The following DNAI7 variants were observed in gnomAD, a reference collection of about 807,000 sequenced individuals.
DNAI7 encodes dynein axonemal intermediate chain 7.
A neutral mutation model predicts 86.6 loss-of-function variants in DNAI7; 78 were observed. The ratio of observed to expected loss-of-function variants is 0.90; its 90% CI spans 0.75 to 1.09. The LOEUF is 1.09. Among genes scored for constraint, DNAI7 ranks in the 50% least tolerant of loss-of-function variants. DNAI7 has a pLI of 0.00. For synonymous variants in DNAI7, 274 were observed against 273.0 expected, an observed-to-expected ratio of 1.00 and a Z score of -0.04; for missense variants, 753 against 810.2, an observed-to-expected ratio of 0.93 and a Z score of 0.86.
chr12:25,139,024 T>C (rs1943888946), intron 9 of DNAI7, among the ~76,000 whole-genome samples: 1 of 151,932 alleles, frequency 6.6e-6, no homozygotes, highest in Non-Finnish European at 1.5e-5. Context: ...AAATGAGAGA[T>C]ACTACAACTG....
chr12:25,143,941 A>G (rs1223240956), intron 9 of DNAI7, among the ~76,000 whole-genome samples: 1 of 152,220 alleles, frequency 6.6e-6, no homozygotes, highest in Admixed American at 6.5e-5. Context: ...AGAGTGTAAT[A>G]TTTTAAGAAA....
In DNAI7 at chr12:25,165,520, C is replaced by G. The variant is rs559285289; in HGVS notation, c.22-4323G>C. On this transcript the variant is annotated intron_variant, in intron 2 of 15. Transcript: ENST00000395987. ...GTGCAGGACCCCACTGAAAATTGGACTGTTCAACTGACCTGGCAGCCACTT... is the reference window on the plus strand; with the variant it reads ...GTGCAGGACCCCACTGAAAATTGGAGTGTTCAACTGACCTGGCAGCCACTT... Among the ~76,000 whole-genome samples the G allele has an allele frequency of 2.2e-3, 330 of 152,358 alleles. 2 individuals carry two copies. The highest frequency in any genetic ancestry group is 0.017 in the Middle Eastern group (5 of 294).
chr12:25,108,835 A>AAAAAAAAAAAAAAAAAAAAAAG lies in DNAI7; in HGVS notation c.1894-13_1894-12insCTTTTTTTTTTTTTTTTTTTTT, dbSNP rs746337816. 1.8e-6 allele frequency: 2 copies of AAAAAAAAAAAAAAAAAAAAAAG among 1,108,330 alleles called. No homozygotes were observed. Among genetic ancestry groups the AAAAAAAAAAAAAAAAAAAAAAG allele is most frequent in the Non-Finnish European group, 2.5e-6 (2 of 810,710 alleles). The allele number at this position is 1,108,330 out of a possible 1,614,324, so 68.7% of individuals were successfully genotyped here. On this transcript the variant is annotated splice_polypyrimidine_tract_variant and intron_variant, in intron 15 of 15. Transcript: ENST00000395987. ...AGGTGTTCCCTCACCTAAAAAAAAA[A>AAAAAAAAAAAAAAAAAAAAAAG]AAAATTCAAGCAAGTTGTTAATAAT...
At chr12:25,176,045 A>C (rs1230236769) in intron 2 of DNAI7, among the ~76,000 whole-genome samples, 1 of 152,140 alleles carries the variant, frequency 6.6e-6, no homozygotes, top group Non-Finnish European at 1.5e-5. Context: ...ATGCCACTGC[A>C]CTCCAGCCTA....
chr12:25,179,597 G>A (rs915187658), intron 2 of DNAI7, among the ~76,000 whole-genome samples: 16 of 151,974 alleles, frequency 1.1e-4, no homozygotes, highest in Admixed American at 5.9e-4. Context: ...GGCTAATCAA[G>A]TCTTTATCAT....
chr12:25,172,515 T>C (rs935159457), intron 2 of DNAI7, among the ~76,000 whole-genome samples: 7 of 151,878 alleles, frequency 4.6e-5, no homozygotes, highest in Non-Finnish European at 7.4e-5. Context: ...ATTGTGAAAA[T>C]AACCATACTG....
At chr12:25,174,129 GGTTT>G (rs557020494) in intron 2 of DNAI7, among the ~76,000 whole-genome samples, 3 of 146,618 alleles carry the variant, frequency 2.0e-5, no homozygotes, top group African/African-American at 7.5e-5. Context: ...CTTTTTGATG[GGTTT>G]GTTTTTTTCT....
chr12:25,189,975 G>T (rs1370505859), intron 2 of DNAI7, among the ~76,000 whole-genome samples: 1 of 127,354 alleles, frequency 7.9e-6, no homozygotes, highest in East Asian at 2.3e-4. Context: ...ATAAAAATAG[G>T]TTGGCAACTG....
chr12:25,161,131 T>TC lies in DNAI7; in HGVS notation c.87dup (p.Arg30GlufsTer14). ...TTTGTACCTTCCTCTTTCAGTCGTC[T>TC]CTCCTCCTCCTCTTGTAGCAGCTTC... On this transcript the variant is annotated frameshift_variant, in exon 3 of 16. Coordinates refer to ENST00000395987, the MANE Select transcript of DNAI7 (RefSeq NM_018272.5). LOFTEE classifies it high-confidence loss of function. 1 of 1,613,376 alleles carries TC rather than the reference T, an allele frequency of 6.2e-7. No individual in the cohort carries two copies. Among genetic ancestry groups the TC allele is most frequent in the Non-Finnish European group, 8.5e-7 (1 of 1,179,410 alleles).
At chr12:25,144,226 T>C (rs908739925) in intron 9 of DNAI7, 139 bp downstream of exon 9, 3 of 676,404 alleles carry the variant, frequency 4.4e-6, no homozygotes, top group East Asian at 2.5e-5. Flanking sequence ...AAGATACATA[T>C]TAAAAATTGA....
chr12:25,156,791 A>G (rs1946231423), intron 4 of DNAI7, among the ~76,000 whole-genome samples: 1 of 152,142 alleles, frequency 6.6e-6, no homozygotes, highest in Non-Finnish European at 1.5e-5. Context: ...ATACTAATGT[A>G]TGTGATTTTT....
In DNAI7 at chr12:25,108,748, G is replaced by A; in HGVS notation, c.1969C>T (p.Gln657Ter). The stretch of plus-strand genomic sequence containing the variant: ...CTCTCTTCCTTGATCTTCAGTCTTT[G>A]TGCTCTGTCACCACTAAACATTAAA... ...ALLMFSGDRAQRLKIKEESEA... is the reference protein window; with the variant it reads ...ALLMFSGDRA Residue 657 changes from glutamine (Q) to a stop codon, truncating the protein, a stop_gained, in exon 16 of 16, where the codon CAA becomes TAA. Coordinates refer to ENST00000395987, the MANE Select transcript of DNAI7 (RefSeq NM_018272.5). LOFTEE classifies it low-confidence loss of function (END_TRUNC). 1 of 1,461,696 alleles carries A rather than the reference G, an allele frequency of 6.8e-7. No homozygotes were observed. Among genetic ancestry groups the A allele is most frequent in the Non-Finnish European group, 9.2e-7 (1 of 1,089,032 alleles). The allele number at this position is 1,461,696 out of a possible 1,614,324, so 90.5% of individuals were successfully genotyped here. A position where few individuals can be genotyped will look rare whatever the true frequency, so the allele number is the denominator to read the frequency against.
intron 11 of DNAI7, among the ~76,000 whole-genome samples, 193 bp from the exon 12 acceptor site, chr12:25,119,494 G>A (rs917848059): frequency 2.0e-5 from 3 of 152,140 alleles, no homozygotes; most frequent in African/African-American, 7.2e-5. Context: ...AAATATGAAT[G>A]TACAGAACTT....
intron 9 of DNAI7, among the ~76,000 whole-genome samples, chr12:25,130,159 A>C (rs1362236694): frequency 6.6e-6 from 1 of 152,234 alleles, no homozygotes; most frequent in African/African-American, 2.4e-5. Context: ...TTGTTAGCTC[A>C]TTAAAAACAA....
chr12:25,115,250 C>T (rs1939831815), intron 12 of DNAI7, among the ~76,000 whole-genome samples: 1 of 152,232 alleles, frequency 6.6e-6, no homozygotes, highest in Non-Finnish European at 1.5e-5. Context: ...TTCAGAGAAA[C>T]TCTCTTCAGC....
chr12:25,108,841 T>TAAAAAAAAAAAAAAAAAAAAAAAA lies in DNAI7; in HGVS notation c.1894-19_1894-18insTTTTTTTTTTTTTTTTTTTTTTTT, dbSNP rs1949501051. 6.4e-6 allele frequency: 2 copies of TAAAAAAAAAAAAAAAAAAAAAAAA among 310,450 alleles called. No individual in the cohort carries two copies. Among genetic ancestry groups the TAAAAAAAAAAAAAAAAAAAAAAAA allele is most frequent in the African/African-American group, 1.0e-4 (1 of 9,828 alleles). The allele number at this position is 310,450 out of a possible 1,614,324, so 19.2% of individuals were successfully genotyped here. A position where few individuals can be genotyped will look rare whatever the true frequency, so the allele number is the denominator to read the frequency against. ...TCCCTCACCTAAAAAAAAAAAAAAT[T>TAAAAAAAAAAAAAAAAAAAAAAAA]CAAGCAAGTTGTTAATAATTCCTCT... On this transcript the variant is annotated intron_variant, in intron 15 of 15. Coordinates refer to ENST00000395987, the MANE Select transcript of DNAI7 (RefSeq NM_018272.5).
chr12:25,108,883 G>A (rs1949510407), intron 15 of DNAI7, 60 bp from the exon 16 acceptor site: 6 of 1,030,530 alleles, frequency 5.8e-6, no homozygotes, highest in Admixed American at 3.5e-5. Context: ...CAGTATTTTG[G>A]TAGCAGATTA....
At chr12:25,191,595 T>G (rs1265186541) in intron 1 of DNAI7, among the ~76,000 whole-genome samples, 1 of 152,006 alleles carries the variant, frequency 6.6e-6, no homozygotes, top group Non-Finnish European at 1.5e-5. Context: ...TCCCAGCTAC[T>G]TGGGAGGCTG....
chr12:25,181,926 G>T (rs1342169600), intron 2 of DNAI7, among the ~76,000 whole-genome samples: 3 of 152,004 alleles, frequency 2.0e-5, no homozygotes, highest in Non-Finnish European at 4.4e-5. Flanking sequence ...ATGTAAATTA[G>T]TTCAACCCCT....
Sources: allele counts gnomAD v4.1 joint callset (sites outside exome capture counted in the v4.1 genomes callset), GRCh38; gene constraint gnomAD v4.1.1; transcripts MANE v1.5; gene names NCBI Gene and HGNC (gene_info 2026-07-23, HGNC 2026-07-21).